The following MNAT1 variants were observed in gnomAD, a reference collection of about 807,000 sequenced individuals.
MNAT1 encodes CDK-activating kinase assembly factor MAT1.
Under a neutral mutation model 42.0 loss-of-function variants are expected in MNAT1, and 43 were observed. That is an observed-to-expected ratio of 1.02 (90% CI 0.80 to 1.32). The LOEUF (loss-of-function observed/expected upper bound fraction) is 1.32, where lower values mean the gene tolerates loss of function less well. MNAT1 is among the 40% of genes most tolerant of loss of function. The probability of loss-of-function intolerance (pLI) is 0.00; values close to 1 mark genes in which losing one functional copy is unlikely to be tolerated. For synonymous variants in MNAT1, 118 were observed against 120.0 expected, an observed-to-expected ratio of 0.98 and a Z score of 0.11; for missense variants, 306 against 350.4, an observed-to-expected ratio of 0.87 and a Z score of 1.01.
chr14:60,863,270 A>C (rs1172592341), intron 6 of MNAT1, among the ~76,000 whole-genome samples: 1 of 152,168 alleles, frequency 6.6e-6, no homozygotes. Context: ...GTAGATGCAT[A>C]GCTTACCTGG....
intron 1 of MNAT1, chr14:60,780,133 C>T (rs1034895271): frequency 2.7e-6 from 4 of 1,505,372 alleles, no homozygotes; most frequent in African/African-American, 2.8e-5. Context: ...ACGGACTCAC[C>T]TTGCTTGTAA....
chr14:60,756,138 A>G (rs993689008), intron 1 of MNAT1, among the ~76,000 whole-genome samples: 2 of 152,168 alleles, frequency 1.3e-5, no homozygotes, highest in African/African-American at 4.8e-5. Context: ...TTAATGGACT[A>G]TGGGATAAGA....
At chr14:60,874,386 G>A (rs935714498) in intron 6 of MNAT1, among the ~76,000 whole-genome samples, 7 of 151,936 alleles carry the variant, frequency 4.6e-5, no homozygotes, top group African/African-American at 1.5e-4. Flanking sequence ...TGGTAATATC[G>A]CTGTCCTCCC....
intron 1 of MNAT1, chr14:60,780,507 A>G (rs977901989): frequency 1.4e-5 from 21 of 1,516,406 alleles, no homozygotes; most frequent in South Asian, 5.6e-5. Flanking sequence ...TTTATTACCA[A>G]TTCTGAGGAA....
chr14:60,899,883 C>G (rs1316443827), intron 7 of MNAT1, among the ~76,000 whole-genome samples: 2 of 152,264 alleles, frequency 1.3e-5, no homozygotes, highest in Non-Finnish European at 1.5e-5. Context: ...AATTCTTACA[C>G]TATTTCAGAC....
In MNAT1 at chr14:60,760,001, A is replaced by G. The variant is rs116312881; in HGVS notation, c.89+25050A>G. The stretch of plus-strand genomic sequence containing the variant: ...GATTAGAATTTATTTAAGTAGTAGA[A>G]AATTCAAGCCAGCTTGGGTAGGGAG... On this transcript the variant is annotated intron_variant, in intron 1 of 7. Coordinates refer to ENST00000261245, the MANE Select transcript of MNAT1 (RefSeq NM_002431.4). Among the ~76,000 whole-genome samples the G allele has an allele frequency of 7.7e-3, 1,168 of 152,334 alleles. 9 individuals are homozygous for G. Among genetic ancestry groups the G allele is most frequent in the African/African-American group, 0.027 (1,110 of 41,588 alleles).
At chr14:60,926,253 T>A (rs1594880283) in intron 7 of MNAT1, among the ~76,000 whole-genome samples, 2 of 152,200 alleles carry the variant, frequency 1.3e-5, no homozygotes, top group African/African-American at 4.8e-5. Flanking sequence ...TTGTGGGGTT[T>A]TCCCCCCACA....
intron 6 of MNAT1, among the ~76,000 whole-genome samples, chr14:60,876,342 C>CT (rs1439638122): frequency 6.6e-6 from 1 of 151,774 alleles, no homozygotes; most frequent in East Asian, 1.9e-4. Flanking sequence ...CTTTTTTTCT[C>CT]TTTTTCCTGT....
At chr14:60,959,601 G>GA (rs2036551159) in intron 7 of MNAT1, among the ~76,000 whole-genome samples, 1 of 152,166 alleles carries the variant, frequency 6.6e-6, no homozygotes, top group African/African-American at 2.4e-5. Context: ...AAGGCAGAAT[G>GA]AACTGTTTCT....
chr14:60,943,003 AGTGTGTGTGTGTGTGTGT>A lies in MNAT1; in HGVS notation c.810-25196_810-25179del, dbSNP rs138575597. Among the ~76,000 whole-genome samples the A allele has an allele frequency of 5.2e-4, 41 of 78,476 alleles. 2 individuals are homozygous for A. The highest frequency in any genetic ancestry group is 1.2e-3 in the South Asian group (2 of 1,626). The allele number at this position is 78,476 out of a possible 152,430, so 51.5% of individuals were successfully genotyped here. ...TATTAATTGAATTAGAACCACATGT[AGTGTGTGTGTGTGTGTGT>A]GTGTGTGTGTGTGTGTGTGTGTGTG... On this transcript the variant is annotated intron_variant, in intron 7 of 7. Coordinates refer to ENST00000261245, the MANE Select transcript of MNAT1 (RefSeq NM_002431.4).
At chr14:60,939,610 T>C (rs1265888498) in intron 7 of MNAT1, among the ~76,000 whole-genome samples, 1 of 152,272 alleles carries the variant, frequency 6.6e-6, no homozygotes, top group Non-Finnish European at 1.5e-5. Context: ...TTTGTTATCA[T>C]TTCTGCTCTT....
intron 7 of MNAT1, among the ~76,000 whole-genome samples, chr14:60,884,798 C>A (rs557135111): frequency 6.6e-6 from 1 of 151,902 alleles, no homozygotes; most frequent in Non-Finnish European, 1.5e-5. Context: ...GAATTTTGTA[C>A]CTTCAGGTGA....
chr14:60,776,393 G>T (rs142476183), intron 1 of MNAT1, among the ~76,000 whole-genome samples: 1 of 152,246 alleles, frequency 6.6e-6, no homozygotes, highest in Non-Finnish European at 1.5e-5. Flanking sequence ...AGGTATGAGG[G>T]TGAGTGACTT....
intron 1 of MNAT1, among the ~76,000 whole-genome samples, chr14:60,754,756 G>A (rs2140295742): frequency 1.3e-5 from 2 of 152,272 alleles, no homozygotes; most frequent in Admixed American, 1.3e-4. Context: ...AATCAAGGGG[G>A]AATCTAGTAG....
At chr14:60,886,739 T>C (rs551791266) in intron 7 of MNAT1, among the ~76,000 whole-genome samples, 2 of 152,118 alleles carry the variant, frequency 1.3e-5, no homozygotes, top group Non-Finnish European at 2.9e-5. Context: ...TGCTACTTTA[T>C]TGAATTCATT....
intron 5 of MNAT1, among the ~76,000 whole-genome samples, chr14:60,816,170 A>T (rs2032709428): frequency 6.6e-6 from 1 of 152,112 alleles, no homozygotes; most frequent in East Asian, 1.9e-4. Flanking sequence ...CTTTGTGCCA[A>T]AAGTCACTTT....
At chr14:60,819,110 G>A (rs1347965202) in intron 6 of MNAT1, among the ~76,000 whole-genome samples, 2 of 151,946 alleles carry the variant, frequency 1.3e-5, no homozygotes, top group Non-Finnish European at 2.9e-5. Flanking sequence ...AGCTTGTAGT[G>A]TAGAAAAAAA....
intron 7 of MNAT1, among the ~76,000 whole-genome samples, chr14:60,918,026 A>G (rs1201456669): frequency 6.6e-6 from 1 of 151,904 alleles, no homozygotes; most frequent in African/African-American, 2.4e-5. Flanking sequence ...GCTTATCATT[A>G]TCTCTTACTC....
chr14:60,797,249 T>C lies in MNAT1; in HGVS notation c.243-838T>C, dbSNP rs188825865. Reference sequence around the variant, plus strand: ...GCGGCTCTTTTATTGTTTGTATAACTTCTGCAAGGTAGTCTCTTAGATTTT... The same window carrying C: ...GCGGCTCTTTTATTGTTTGTATAACCTCTGCAAGGTAGTCTCTTAGATTTT... On this transcript the variant is annotated intron_variant, in intron 2 of 7. Transcript: ENST00000261245. Among the ~76,000 whole-genome samples, 541 of 152,276 alleles carry C rather than the reference T, an allele frequency of 3.6e-3. 4 individuals are homozygous for C. Among genetic ancestry groups the C allele is most frequent in the Non-Finnish European group, 5.4e-3 (365 of 68,006 alleles).
Sources: allele counts gnomAD v4.1 joint callset (sites outside exome capture counted in the v4.1 genomes callset), GRCh38; gene constraint gnomAD v4.1.1; transcripts MANE v1.5; gene names NCBI Gene and HGNC (gene_info 2026-07-23, HGNC 2026-07-21).